Variants in MSI1 observed in about 807,000 individuals in gnomAD.
The protein encoded by MSI1 is musashi RNA binding protein 1.
Under a neutral mutation model 54.4 loss-of-function variants are expected in MSI1, and 15 were observed. That is an observed-to-expected ratio of 0.28 (90% confidence interval 0.18 to 0.42). The LOEUF (loss-of-function observed/expected upper bound fraction) is 0.42. MSI1 is among the 20% of genes least tolerant of loss of function. MSI1 has a pLI of 1.00. For missense variants in MSI1, 304 were observed against 506.0 expected, an observed-to-expected ratio of 0.60 and a Z score of 3.83; for synonymous variants, 200 against 196.5, an observed-to-expected ratio of 1.02 and a Z score of -0.15.
intron 11 of MSI1, among the ~76,000 whole-genome samples, chr12:120,348,925 G>T (rs1874371614): frequency 6.6e-6 from 1 of 151,898 alleles, no homozygotes; most frequent in East Asian, 1.9e-4. Context: ...TAAAATAAAA[G>T]ATAGGGTCTT....
Position 120,368,308 on chromosome 12 carries a change from G to T in MSI1, c.101-35C>A. The T allele has an allele frequency of 6.6e-7, 1 of 1,519,808 alleles. No homozygotes were observed. 94.1% of individuals were successfully genotyped at this position (1,519,808 alleles called of 1,614,324 possible). On this transcript the variant is annotated intron_variant, in intron 2 of 14. Coordinates refer to ENST00000257552, the MANE Select transcript of MSI1 (RefSeq NM_002442.4). The surrounding 1 kb of genome is among the most constrained non-coding windows in gnomAD (Gnocchi z 6.6). The stretch of plus-strand genomic sequence containing the variant: ...CACACCCGCCTTCGGACCAGCCCGG[G>T]CCCCGCGCCCTTCCCCCCCCCCCGT...
At chr12:120,357,959 C>T in intron 7 of MSI1, 61 bp from the exon 8 acceptor site, 2 of 1,448,062 alleles carry the variant, frequency 1.4e-6, no homozygotes, top group Middle Eastern at 1.7e-4. Context: ...CAAAACTCAA[C>T]CCCAGGTCGT....
chr12:120,367,926 T>C, intron 4 of MSI1, 82 bp downstream of exon 4: 1 of 1,375,664 alleles, frequency 7.3e-7, no homozygotes, highest in Non-Finnish European at 1.0e-6. Context: ...CCCGTCCAGC[T>C]GTCCCCTGGG....
intron 7 of MSI1, among the ~76,000 whole-genome samples, chr12:120,358,712 A>T (rs975793592): frequency 6.7e-6 from 1 of 149,560 alleles, no homozygotes; most frequent in Non-Finnish European, 1.5e-5. Flanking sequence ...GTTACCAGGG[A>T]CAAGGTAAGC....
Position 120,346,133 on chromosome 12 carries a change from AC to A in MSI1, c.1047+1del. 1 of 1,542,302 alleles carries A rather than the reference AC, an allele frequency of 6.5e-7. No individual in the cohort carries two copies. On this transcript the variant is annotated splice_donor_variant, in intron 13 of 14. Transcript: ENST00000257552. LOFTEE classifies it high-confidence loss of function. ...TGGGGGCCGCTAGGCCTGGCCACTC[AC>A]CCCAAGACTGTGGCCGAAGCCGGTG...
chr12:120,362,232 G>T (rs532440481), intron 6 of MSI1, among the ~76,000 whole-genome samples: 33 of 152,194 alleles, frequency 2.2e-4, no homozygotes, highest in African/African-American at 7.9e-4. Flanking sequence ...GACTCGAAGT[G>T]TCTTGATGGG....
At chr12:120,367,951 T>A in intron 4 of MSI1, 57 bp downstream of exon 4, 7 of 1,535,766 alleles carry the variant, frequency 4.6e-6, no homozygotes, top group Non-Finnish European at 6.2e-6. Flanking sequence ...GTCCTGACCC[T>A]CTCCTCCGGC....
Position 120,341,937 on chromosome 12 carries a change from T to A in MSI1, c.*1190A>T, listed in dbSNP as rs1277690587. On this transcript the variant is annotated 3_prime_UTR_variant, in exon 15 of 15. Transcript: ENST00000257552. The stretch of plus-strand genomic sequence containing the variant: ...GTCCAACGCTCTGAACCTCTCTTTT[T>A]CCTTAGAAGGGGGGTCTGGGGTGAG... 1 of 152,650 alleles carries A rather than the reference T, an allele frequency of 6.6e-6. No individual in the cohort carries two copies. The highest frequency in any genetic ancestry group is 1.5e-5 in the Non-Finnish European group (1 of 68,166). The allele number at this position is 152,650 out of a possible 1,614,324, so 9.5% of individuals were successfully genotyped here.
chr12:120,368,349 A>G lies in MSI1; in HGVS notation c.101-76T>C. On this transcript the variant is annotated intron_variant, in intron 2 of 14. Coordinates refer to ENST00000257552, the MANE Select transcript of MSI1 (RefSeq NM_002442.4). The surrounding 1 kb of genome is among the most constrained non-coding windows in gnomAD (Gnocchi z 6.6). ...CCCCCCCCGTCCTTTGCCCCCGGTG[A>G]CCCCGGAGCGGCCCGGCCGCCCCCG... The G allele has an allele frequency of 2.3e-6, 3 of 1,322,638 alleles. No homozygotes were observed. The highest frequency in any genetic ancestry group is 2.7e-4 in the Middle Eastern group (1 of 3,758). The allele number at this position is 1,322,638 out of a possible 1,614,324, so 81.9% of individuals were successfully genotyped here.
intron 6 of MSI1, chr12:120,361,365 C>T (rs1320180504): frequency 2.0e-5 from 3 of 152,356 alleles, no homozygotes; most frequent in Non-Finnish European, 4.4e-5. Flanking sequence ...AGGAAGGCCA[C>T]CATCCCTGGC....
intron 9 of MSI1, among the ~76,000 whole-genome samples, chr12:120,356,094 G>A (rs2136948183): frequency 6.6e-6 from 1 of 152,210 alleles, no homozygotes; most frequent in South Asian, 2.1e-4. Context: ...CCTCTTCCAG[G>A]AAGTCTCCTC....
chr12:120,362,986 C>CA, intron 6 of MSI1, 57 bp downstream of exon 6: 4 of 1,421,432 alleles, frequency 2.8e-6, no homozygotes, highest in Non-Finnish European at 4.0e-6. Flanking sequence ...CTTGCTAGTG[C>CA]CCCATTCTAC....
At chr12:120,350,015 G>A (rs963294375) in intron 11 of MSI1, among the ~76,000 whole-genome samples, 5 of 152,172 alleles carry the variant, frequency 3.3e-5, no homozygotes, top group Non-Finnish European at 7.3e-5. Context: ...CAGGGTCTGG[G>A]AGGGCATCCT....
Position 120,368,943 on chromosome 12 carries a change from C to A in MSI1, c.60-70G>T, listed in dbSNP as rs1465265929. 6.4e-6 allele frequency: 8 copies of A among 1,257,464 alleles called. No homozygotes were observed. The highest frequency in any genetic ancestry group is 7.1e-6 in the Non-Finnish European group (7 of 986,938). The allele number at this position is 1,257,464 out of a possible 1,614,324, so 77.9% of individuals were successfully genotyped here. On this transcript the variant is annotated intron_variant, in intron 1 of 14. Coordinates refer to ENST00000257552, the MANE Select transcript of MSI1 (RefSeq NM_002442.4). This position sits in a 1 kb window ranked among gnomAD's most constrained non-coding sequence, Gnocchi z 6.6. ...CGCCAGGGCGCAGGGGGCGCGGGCC[C>A]GGGCTCCGGGGAGGCCCGGCCGGAC...
chr12:120,360,824 C>T (rs1472707185), intron 6 of MSI1, among the ~76,000 whole-genome samples: 1 of 146,140 alleles, frequency 6.8e-6, no homozygotes, highest in Non-Finnish European at 1.5e-5. Flanking sequence ...TGAAAGACAC[C>T]TTTTTTTTTT....
chr12:120,342,149 C>T lies in MSI1; in HGVS notation c.*978G>A, dbSNP rs1284413460. 6.5e-6 allele frequency: 1 copy of T among 153,192 alleles called. No individual in the cohort carries two copies. Among genetic ancestry groups the T allele is most frequent in the African/African-American group, 2.4e-5 (1 of 41,470 alleles). The allele number at this position is 153,192 out of a possible 1,614,324, so 9.5% of individuals were successfully genotyped here. On this transcript the variant is annotated 3_prime_UTR_variant, in exon 15 of 15. Transcript: ENST00000257552. ...AGACTGAGCAGAAACCATGAAGCCCCAACCTAGGTAGGGAGCAGGGGAGAC... is the reference window on the plus strand; with the variant it reads ...AGACTGAGCAGAAACCATGAAGCCCTAACCTAGGTAGGGAGCAGGGGAGAC...
At chr12:120,346,454 A>T in intron 12 of MSI1, 132 bp from the exon 13 acceptor site, 1 of 882,820 alleles carries the variant, frequency 1.1e-6, no homozygotes, top group Non-Finnish European at 1.6e-6. Context: ...CACCTCCTGG[A>T]GATCTCCCCA....
At chr12:120,362,964 G>T in intron 6 of MSI1, 79 bp downstream of exon 6, 2 of 1,212,296 alleles carry the variant, frequency 1.6e-6, no homozygotes, top group Non-Finnish European at 2.4e-6. Context: ...GGAATGACCT[G>T]GCTGGATTCG....
At chr12:120,365,817 C>T (rs1243672016) in intron 4 of MSI1, among the ~76,000 whole-genome samples, 2 of 152,212 alleles carry the variant, frequency 1.3e-5, no homozygotes, top group Non-Finnish European at 2.9e-5. Flanking sequence ...TGGTAATGCA[C>T]TCGAACTCTG....
Sources: allele counts gnomAD v4.1 joint callset (sites outside exome capture counted in the v4.1 genomes callset), GRCh38; gene constraint gnomAD v4.1.1; non-coding constraint Gnocchi (gnomAD v3.1); transcripts MANE v1.5; gene names NCBI Gene and HGNC (gene_info 2026-07-23, HGNC 2026-07-21).